The following TBC1D5 variants were observed in gnomAD, a reference collection of about 807,000 sequenced individuals.
The protein encoded by TBC1D5 is TBC1 domain family member 5, also known as TBC1 domain family, member 5.
Under a neutral mutation model 100.3 loss-of-function variants are expected in TBC1D5, and 75 were observed. The observed-to-expected ratio is 0.75, with a 90% confidence interval of 0.62 to 0.91. The LOEUF (loss-of-function observed/expected upper bound fraction) is 0.91. Ranked by LOEUF, TBC1D5 falls within the 40% of genes least tolerant of loss-of-function variation. TBC1D5 has a pLI of 0.00. For missense variants in TBC1D5, 910 were observed against 942.4 expected (o/e 0.97, Z 0.45); for synonymous variants, 323 against 325.6 (o/e 0.99, Z 0.09).
At chr3:17,449,263 G>A (rs1415651279) in intron 3 of TBC1D5, among the ~76,000 whole-genome samples, 1 of 152,204 alleles carries the variant, frequency 6.6e-6, no homozygotes, top group Non-Finnish European at 1.5e-5. Flanking sequence ...ATTCCTGCAG[G>A]TGTCTACACC....
chr3:17,301,914 G>T (rs542101678), intron 14 of TBC1D5, among the ~76,000 whole-genome samples: 5 of 152,232 alleles, frequency 3.3e-5, no homozygotes, highest in Middle Eastern at 6.8e-3. Flanking sequence ...AATGGTTTAC[G>T]ATTACTCTCA....
intron 1 of TBC1D5, among the ~76,000 whole-genome samples, chr3:17,662,390 G>C (rs552487524): frequency 6.6e-6 from 1 of 152,196 alleles, no homozygotes; most frequent in Non-Finnish European, 1.5e-5. Context: ...AGGTTACCTG[G>C]AAAGCCTTTG....
intron 8 of TBC1D5, among the ~76,000 whole-genome samples, chr3:17,385,334 T>A (rs1342284225): frequency 6.6e-6 from 1 of 152,004 alleles, no homozygotes; most frequent in Non-Finnish European, 1.5e-5. Context: ...GAGAGGAAGA[T>A]GACCTAGAGC....
At chr3:17,665,580 T>G (rs892151597) in intron 1 of TBC1D5, among the ~76,000 whole-genome samples, 3 of 152,184 alleles carry the variant, frequency 2.0e-5, no homozygotes, top group African/African-American at 7.2e-5. Flanking sequence ...GTCTGCTAAT[T>G]TGGTTTCTTG....
At chr3:17,160,334 G>A (rs1334363847) in exon 22 of TBC1D5, 1 of 151,736 alleles carries the variant, frequency 6.6e-6, no homozygotes, top group Non-Finnish European at 1.5e-5. Flanking sequence ...GATCCTGTTT[G>A]CAGAGATCCT....
intron 2 of TBC1D5, among the ~76,000 whole-genome samples, chr3:17,511,668 A>T (rs2095909128): frequency 6.6e-6 from 1 of 152,046 alleles, no homozygotes; most frequent in African/African-American, 2.4e-5. Context: ...TCAAGAAGTC[A>T]TTTAGTTAAT....
intron 16 of TBC1D5, among the ~76,000 whole-genome samples, chr3:17,257,609 G>C (rs1297447886): frequency 1.3e-5 from 2 of 151,972 alleles, no homozygotes; most frequent in African/African-American, 4.8e-5. Flanking sequence ...ACTAAGACAA[G>C]GTTCAAATTT....
At chr3:17,638,698 C>G (rs1005438747) in intron 1 of TBC1D5, among the ~76,000 whole-genome samples, 7 of 152,090 alleles carry the variant, frequency 4.6e-5, no homozygotes, top group Non-Finnish European at 8.8e-5. Flanking sequence ...TTTGAAGAAG[C>G]CATTTTTCAT....
chr3:17,399,208 G>A (rs2093586045), intron 8 of TBC1D5, among the ~76,000 whole-genome samples: 1 of 152,122 alleles, frequency 6.6e-6, no homozygotes, highest in South Asian at 2.1e-4. Context: ...TCAGGGCACA[G>A]GGAGTCATAG....
rs528738329 is a variant in TBC1D5 at position 17,562,807 on chromosome 3, A to G, written c.-35-54202T>C. On this transcript the variant is annotated intron_variant, in intron 2 of 21. Coordinates refer to ENST00000253692, the Ensembl canonical transcript of TBC1D5. ...TATATAAATTTTCTATAATCAATAC[A>G]TCTAATGCAAATCTAATAAAAATTC... 7.2e-5 allele frequency among the ~76,000 whole-genome samples: 11 copies of G among 152,356 alleles called. No homozygotes were observed. The South Asian group carries it at 2.3e-3, about 32-fold the overall frequency.
Position 17,442,663 on chromosome 3 carries a change from C to T in TBC1D5, c.98-14144G>A, listed in dbSNP as rs577208544. Among the ~76,000 whole-genome samples the T allele has an allele frequency of 5.9e-5, 9 of 152,278 alleles. No individual in the cohort carries two copies. In the South Asian group the frequency reaches 6.2e-4, roughly 11 times the overall value. ...AGGAGCACAACAAAAGCTTTGAGAA[C>T]GGAACCATAATATTAATATCAACTA... On this transcript the variant is annotated intron_variant, in intron 3 of 21. Transcript: ENST00000253692.
At position 17,602,561 on chromosome 3, in the gene TBC1D5, A is replaced by ATTT. The variant is rs33956978; in HGVS notation, c.-36+21285_-36+21287dup. Among the ~76,000 whole-genome samples, 501 of 74,522 alleles carry ATTT rather than the reference A, an allele frequency of 6.7e-3. 79 individuals carry two copies. Among genetic ancestry groups the ATTT allele is most frequent in the African/African-American group, 8.4e-3 (148 of 17,718 alleles). The allele number at this position is 74,522 out of a possible 152,430, so 48.9% of individuals were successfully genotyped here. A position where few individuals can be genotyped will look rare whatever the true frequency, so the allele number is the denominator to read the frequency against. On this transcript the variant is annotated intron_variant, in intron 2 of 21. Coordinates refer to ENST00000253692, the Ensembl canonical transcript of TBC1D5. ...TTATGCCATAATACGAGAGAATCAG[A>ATTT]TTTTTTTTTTTTTTTTTTTTTTTTT...
chr3:17,580,632 T>C (rs900923248), intron 2 of TBC1D5, among the ~76,000 whole-genome samples: 2 of 152,150 alleles, frequency 1.3e-5, no homozygotes, highest in African/African-American at 4.8e-5. Context: ...CTCCCATTAG[T>C]ATGCTATTTC....
chr3:17,540,530 T>C (rs1272647318), intron 2 of TBC1D5, among the ~76,000 whole-genome samples: 1 of 152,204 alleles, frequency 6.6e-6, no homozygotes, highest in Non-Finnish European at 1.5e-5. Flanking sequence ...CTTCATTTTT[T>C]ACATGTGGCT....
chr3:17,567,914 G>A (rs1236469006), intron 2 of TBC1D5, among the ~76,000 whole-genome samples: 1 of 151,548 alleles, frequency 6.6e-6, no homozygotes, highest in Admixed American at 6.6e-5. Flanking sequence ...AGATATTCAA[G>A]AATAAGCATC....
At chr3:17,258,352 C>T (rs1164403946) in intron 16 of TBC1D5, among the ~76,000 whole-genome samples, 154 bp downstream of exon 16, 1 of 151,862 alleles carries the variant, frequency 6.6e-6, no homozygotes, top group Non-Finnish European at 1.5e-5. Flanking sequence ...ATTTTTTATG[C>T]CTTTAAAATA....
intron 1 of TBC1D5, among the ~76,000 whole-genome samples, chr3:17,696,811 T>C (rs1033279059): frequency 1.2e-4 from 18 of 152,254 alleles, no homozygotes; most frequent in African/African-American, 4.1e-4. Flanking sequence ...AAAAAAAGAA[T>C]TTTAGACCAA....
intron 3 of TBC1D5, among the ~76,000 whole-genome samples, chr3:17,434,725 G>A (rs143297399): frequency 0.022 from 3,420 of 152,266 alleles, 123 homozygotes; most frequent in African/African-American, 0.077. Flanking sequence ...ACATGCCCTG[G>A]AGACATTTTC....
intron 17 of TBC1D5, among the ~76,000 whole-genome samples, chr3:17,216,382 T>C (rs985667306): frequency 1.3e-5 from 2 of 152,070 alleles, no homozygotes; most frequent in African/African-American, 4.8e-5. Context: ...CAGAGACTTG[T>C]TAGATCTGTA....
Sources: allele counts gnomAD v4.1 joint callset (sites outside exome capture counted in the v4.1 genomes callset), GRCh38; gene constraint gnomAD v4.1.1; transcripts MANE v1.5; gene names NCBI Gene and HGNC (gene_info 2026-07-23, HGNC 2026-07-21).